CACNA1C: variants seen among roughly 807,000 people sequenced by gnomAD.
The protein encoded by CACNA1C is voltage-dependent L-type calcium channel subunit alpha-1C.
CACNA1C carries 30 observed loss-of-function variants against 229.0 expected under a neutral mutation model. The observed-to-expected ratio is 0.13, with a 90% CI of 0.10 to 0.18. The LOEUF (loss-of-function observed/expected upper bound fraction) is 0.18. Among genes scored for constraint, CACNA1C ranks in the 10% least tolerant of loss-of-function variants. CACNA1C has a pLI of 1.00. For missense variants in CACNA1C, 1,658 were observed against 2,845.0 expected, an observed-to-expected ratio of 0.58 and a Z score of 9.49; for synonymous variants, 1,114 against 1,132.5, an observed-to-expected ratio of 0.98 and a Z score of 0.33.
At chr12:2,236,269 G>T (rs888883463) in intron 3 of CACNA1C, among the ~76,000 whole-genome samples, 1 of 152,180 alleles carries the variant, frequency 6.6e-6, no homozygotes, top group Admixed American at 6.5e-5. Context: ...AGAATCTCAG[G>T]TCCAGCAAGC....
intron 3 of CACNA1C, among the ~76,000 whole-genome samples, chr12:2,427,901 T>A (rs931450167): frequency 7.2e-5 from 11 of 152,178 alleles, no homozygotes; most frequent in African/African-American, 2.7e-4. Context: ...ATTACAGGCG[T>A]GAGCCACCGC....
intron 38 of CACNA1C, among the ~76,000 whole-genome samples, chr12:2,669,960 A>C (rs1214641085): frequency 6.6e-6 from 1 of 152,142 alleles, no homozygotes; most frequent in Non-Finnish European, 1.5e-5. Flanking sequence ...TATTAAACAC[A>C]CCTAACAAGA....
Position 2,607,149 on chromosome 12 carries a change from G to A in CACNA1C, c.3356+19G>A. 6.2e-7 allele frequency: 1 copy of A among 1,600,004 alleles called. No individual in the cohort carries two copies. The highest frequency in any genetic ancestry group is 8.5e-7 in the Non-Finnish European group (1 of 1,172,008). On this transcript the variant is annotated intron_variant, in intron 26 of 46. Coordinates refer to ENST00000399655, the MANE Select transcript of CACNA1C (RefSeq NM_000719.7). ...GGCCAGAGTGAGTATGCAAAGCAAGGCCCCACGAGCCCTGACATTCAAGGG... is the reference window on the plus strand; with the variant it reads ...GGCCAGAGTGAGTATGCAAAGCAAGACCCCACGAGCCCTGACATTCAAGGG...
chr12:2,310,499 T>C (rs2095377324), intron 3 of CACNA1C, among the ~76,000 whole-genome samples: 1 of 152,136 alleles, frequency 6.6e-6, no homozygotes, highest in African/African-American at 2.4e-5. Context: ...TTAGAGATGC[T>C]ATAAAGAGCT....
At chr12:1,989,855 G>T (rs1358222683) in intron 1 of CACNA1C, among the ~76,000 whole-genome samples, 1 of 152,092 alleles carries the variant, frequency 6.6e-6, no homozygotes, top group African/African-American at 2.4e-5. Context: ...TTACTATATG[G>T]GAATATTACA....
chr12:2,053,178 C>T lies in CACNA1C; in HGVS notation c.-385C>T. 1 of 996,264 alleles carries T rather than the reference C, an allele frequency of 1.0e-6. No homozygotes were observed. Among genetic ancestry groups the T allele is most frequent in the Non-Finnish European group, 1.2e-6 (1 of 837,448 alleles). The allele number at this position is 996,264 out of a possible 1,614,324, so 61.7% of individuals were successfully genotyped here. A position where few individuals can be genotyped will look rare whatever the true frequency, so the allele number is the denominator to read the frequency against. On this transcript the variant is annotated 5_prime_UTR_variant, in exon 1 of 47. Transcript: ENST00000399655. This position sits in a 1 kb window ranked among gnomAD's most constrained non-coding sequence, Gnocchi z 5.8. Reference sequence around the variant, plus strand: ...GGAGTGGGCAGAGGCGCCTCGGCCCCTGCCGGCCCAGGCGGGCCCCGCGCG... The same window carrying T: ...GGAGTGGGCAGAGGCGCCTCGGCCCTTGCCGGCCCAGGCGGGCCCCGCGCG...
intron 3 of CACNA1C, among the ~76,000 whole-genome samples, chr12:2,191,814 G>A (rs114498243): frequency 0.012 from 1,229 of 104,034 alleles, 12 homozygotes; most frequent in African/African-American, 0.038. Flanking sequence ...ACAGGCACAC[G>A]TATGCACACA....
intron 4 of CACNA1C, 123 bp downstream of exon 4, chr12:2,449,238 G>A: frequency 1.6e-6 from 1 of 644,936 alleles, no homozygotes; most frequent in Admixed American, 3.8e-5. Flanking sequence ...AGATGATCTA[G>A]AGTGAGAAAA....
At chr12:1,978,954 A>G (rs1275439348) in intron 1 of CACNA1C, among the ~76,000 whole-genome samples, 1 of 152,172 alleles carries the variant, frequency 6.6e-6, no homozygotes, top group Non-Finnish European at 1.5e-5. Flanking sequence ...TATCCAGGTT[A>G]TTACCAGAGT....
chr12:2,356,231 G>A (rs979617505), intron 3 of CACNA1C, among the ~76,000 whole-genome samples: 5 of 152,222 alleles, frequency 3.3e-5, no homozygotes, highest in African/African-American at 1.2e-4. Flanking sequence ...GAAAATGCTT[G>A]CAAGCTGTGG....
intron 13 of CACNA1C, among the ~76,000 whole-genome samples, chr12:2,580,247 G>A (rs1600909465): frequency 6.6e-6 from 1 of 152,218 alleles, no homozygotes; most frequent in East Asian, 1.9e-4. Context: ...GTAAGGAAAA[G>A]CTGGATTTGT....
At chr12:2,214,010 C>T (rs2059356606) in intron 3 of CACNA1C, among the ~76,000 whole-genome samples, 2 of 152,166 alleles carry the variant, frequency 1.3e-5, no homozygotes, top group South Asian at 2.1e-4. Context: ...AACTGGCGCT[C>T]ACATTGGGGA....
chr12:2,142,340 G>T (rs2159103), intron 3 of CACNA1C, among the ~76,000 whole-genome samples: 62 of 151,208 alleles, frequency 4.1e-4, no homozygotes, highest in Non-Finnish European at 8.0e-4. Flanking sequence ...CATTACTTAC[G>T]TGTGTGTGGT....
At chr12:2,050,751 C>A (rs923068205), upstream of CACNA1C, among the ~76,000 whole-genome samples, 2 of 152,202 alleles carry the variant, frequency 1.3e-5, no homozygotes, top group African/African-American at 4.8e-5. Context: ...CAGCTTAATA[C>A]TTCTCCCAGG....
intron 1 of CACNA1C, among the ~76,000 whole-genome samples, chr12:2,021,686 A>G (rs2046478524): frequency 1.3e-5 from 2 of 152,046 alleles, no homozygotes; most frequent in South Asian, 4.2e-4. Context: ...ATCTAAAAAA[A>G]AAAAGACATC....
At chr12:2,236,432 G>A (rs761433247) in intron 3 of CACNA1C, among the ~76,000 whole-genome samples, 6 of 152,176 alleles carry the variant, frequency 3.9e-5, no homozygotes, top group Non-Finnish European at 5.9e-5. Context: ...AATAATACCA[G>A]TAAGAATTTT....
At chr12:2,105,736 C>T (rs2078130135) in intron 1 of CACNA1C, among the ~76,000 whole-genome samples, 1 of 120,392 alleles carries the variant, frequency 8.3e-6, no homozygotes, top group Non-Finnish European at 1.7e-5. Flanking sequence ...CACTGGGCGC[C>T]CACCCCGGGG....
intron 38 of CACNA1C, among the ~76,000 whole-genome samples, chr12:2,669,323 G>A (rs531983156): frequency 8.8e-5 from 12 of 136,594 alleles, no homozygotes; most frequent in African/African-American, 2.4e-4. Context: ...ATACACTAAC[G>A]ATAGCTGATG....
Position 2,690,977 on chromosome 12 carries a change from C to G in CACNA1C, c.6195C>G (p.Asp2065Glu). 1 of 1,599,430 alleles carries G rather than the reference C, an allele frequency of 6.3e-7. No homozygotes were observed. The highest frequency in any genetic ancestry group is 8.5e-7 in the Non-Finnish European group (1 of 1,172,910). The change falls in exon 47 of 47, where the codon GAC becomes GAG. Residue 2065 changes from aspartate to glutamate, a missense_variant. Asp to Glu is a conservative substitution (Grantham distance 45, BLOSUM62 2). Around this residue, in one of 20 missense-constraint regions of CACNA1C, gnomAD observed 590 missense variants for 700.8 expected, o/e 0.84. Coordinates refer to ENST00000399655, the MANE Select transcript of CACNA1C (RefSeq NM_000719.7). ...AGGTCACCACCCAGGAGCTGGCCGA[C>G]GCCTGCGACATGACCATAGAGGAGA... ...FIEVTTQELADACDMTIEEME... is the reference protein window; with the variant it reads ...FIEVTTQELAEACDMTIEEME...
Sources: gnomAD v4.1 joint callset for allele counts (sites outside exome capture counted in the v4.1 genomes callset) on GRCh38, gnomAD v4.1.1 for gene constraint, gnomAD v4.1.1 regional missense constraint, Gnocchi (gnomAD v3.1) non-coding constraint, MANE v1.5 for transcripts, NCBI Gene and HGNC (gene_info 2026-07-23, HGNC 2026-07-21) for gene names.